Variants in RNGTT observed in about 807,000 individuals in gnomAD.
RNGTT encodes the protein RNA guanylyltransferase and 5'-phosphatase, also known as mRNA-capping enzyme.
In RNGTT, 33 loss-of-function variants were observed where a neutral mutation model predicts 79.3. The observed-to-expected ratio is 0.42, with a 90% CI of 0.32 to 0.56. The LOEUF (loss-of-function observed/expected upper bound fraction) is 0.56, where lower values mean the gene tolerates loss of function less well. Among genes scored for constraint, RNGTT ranks in the 20% least tolerant of loss-of-function variants. The pLI is 0.17. For missense variants in RNGTT, 497 were observed against 739.1 expected, an observed-to-expected ratio of 0.67 and a Z score of 3.80; for synonymous variants, 222 against 235.9, an observed-to-expected ratio of 0.94 and a Z score of 0.54.
At chr6:88,634,640 G>A (rs1437569592) in intron 14 of RNGTT, among the ~76,000 whole-genome samples, 4 of 152,036 alleles carry the variant, frequency 2.6e-5, no homozygotes, top group African/African-American at 4.8e-5. Context: ...ATGACTTAAC[G>A]AATAGCCTAC....
chr6:88,678,836 T>G (rs543950863), intron 13 of RNGTT, among the ~76,000 whole-genome samples: 1 of 152,278 alleles, frequency 6.6e-6, no homozygotes, highest in African/African-American at 2.4e-5. Flanking sequence ...ATGAAAAATG[T>G]AGAACACTCT....
intron 12 of RNGTT, among the ~76,000 whole-genome samples, chr6:88,786,436 C>T (rs1779231553): frequency 6.6e-6 from 1 of 152,066 alleles, no homozygotes; most frequent in Admixed American, 6.6e-5. Context: ...CAAATCATCA[C>T]GTTAAAATAT....
intron 13 of RNGTT, among the ~76,000 whole-genome samples, chr6:88,704,277 A>ACAAAC: frequency 2.7e-5 from 4 of 145,862 alleles, no homozygotes; most frequent in African/African-American, 1.0e-4. Flanking sequence ...AAAAAAAAAA[A>ACAAAC]AAAAAAAAAG....
chr6:88,771,348 TATACACAC>T (rs1424949498), intron 12 of RNGTT, among the ~76,000 whole-genome samples: 35 of 128,810 alleles, frequency 2.7e-4, no homozygotes, highest in African/African-American at 9.2e-4. Context: ...TATATATATA[TATACACAC>T]ACACACACAC....
At chr6:88,687,281 C>CA (rs1361526388) in intron 13 of RNGTT, among the ~76,000 whole-genome samples, 7 of 152,002 alleles carry the variant, frequency 4.6e-5, no homozygotes, top group African/African-American at 1.7e-4. Context: ...AGGTATGGAC[C>CA]ACACATTCTG....
intron 14 of RNGTT, among the ~76,000 whole-genome samples, chr6:88,645,987 G>C (rs924105551): frequency 1.3e-5 from 2 of 152,152 alleles, no homozygotes; most frequent in African/African-American, 4.8e-5. Context: ...GGCAACAAAA[G>C]CCAAAATTGA....
chr6:88,757,821 C>A (rs1254113920), intron 13 of RNGTT, among the ~76,000 whole-genome samples: 1 of 152,114 alleles, frequency 6.6e-6, no homozygotes, highest in Non-Finnish European at 1.5e-5. Flanking sequence ...TTTTGACAGG[C>A]CAACCATGTA....
chr6:88,917,206 A>AT (rs1562023694), intron 4 of RNGTT, among the ~76,000 whole-genome samples: 1 of 152,180 alleles, frequency 6.6e-6, no homozygotes, highest in African/African-American at 2.4e-5. Context: ...TACTTTTAAA[A>AT]TTTTTTTGAA....
chr6:88,924,683 T>G (rs896126802), intron 4 of RNGTT, among the ~76,000 whole-genome samples: 2 of 152,102 alleles, frequency 1.3e-5, no homozygotes, highest in East Asian at 1.9e-4. Context: ...TGTTGTTGTT[T>G]TATGTTTTAT....
chr6:88,622,810 TG>T (rs1445676667), intron 14 of RNGTT, among the ~76,000 whole-genome samples: 1 of 152,070 alleles, frequency 6.6e-6, no homozygotes, highest in Non-Finnish European at 1.5e-5. Context: ...TGACAAATAC[TG>T]ATCAACCATG....
At chr6:88,650,704 C>T (rs1471974789) in intron 14 of RNGTT, among the ~76,000 whole-genome samples, 2 of 152,082 alleles carry the variant, frequency 1.3e-5, no homozygotes, top group Admixed American at 1.3e-4. Context: ...CTCCTACCAG[C>T]TAGTTCTTAA....
intron 1 of RNGTT, among the ~76,000 whole-genome samples, chr6:88,942,000 G>A (rs1391886362): frequency 6.6e-6 from 1 of 151,596 alleles, no homozygotes; most frequent in African/African-American, 2.4e-5. Flanking sequence ...TTTTTGCTGG[G>A]GGGAGCACGT....
At chr6:88,871,167 A>G (rs1782341864) in intron 8 of RNGTT, among the ~76,000 whole-genome samples, 1 of 152,166 alleles carries the variant, frequency 6.6e-6, no homozygotes, top group Non-Finnish European at 1.5e-5. Flanking sequence ...CTATCAGATG[A>G]ATAATTACTC....
At chr6:88,929,297 T>C in intron 2 of RNGTT, 30 bp from the exon 3 acceptor site, 2 of 1,352,060 alleles carry the variant, frequency 1.5e-6, no homozygotes, top group South Asian at 2.5e-5. Context: ...AAAGGGCAAA[T>C]TTACTAGTAA....
At chr6:88,858,112 T>A (rs1227078314) in intron 8 of RNGTT, among the ~76,000 whole-genome samples, 1 of 152,202 alleles carries the variant, frequency 6.6e-6, no homozygotes, top group Non-Finnish European at 1.5e-5. Flanking sequence ...AGCATTTTGA[T>A]GGGCAATAAA....
intron 1 of RNGTT, among the ~76,000 whole-genome samples, chr6:88,960,604 A>G (rs1475415183): frequency 6.6e-6 from 1 of 151,690 alleles, no homozygotes; most frequent in Non-Finnish European, 1.5e-5. Context: ...AAGAAAAGAA[A>G]AAAAGGAAAA....
At chr6:88,620,724 A>C (rs955300021) in intron 14 of RNGTT, among the ~76,000 whole-genome samples, 2 of 152,236 alleles carry the variant, frequency 1.3e-5, no homozygotes, top group Admixed American at 6.5e-5. Context: ...AGAGAGCTAC[A>C]GCAAATTCAC....
intron 13 of RNGTT, among the ~76,000 whole-genome samples, chr6:88,760,168 G>A (rs1778162624): frequency 6.6e-6 from 1 of 152,190 alleles, no homozygotes; most frequent in Admixed American, 6.5e-5. Context: ...ATAAGTAGAT[G>A]TTTTAAAGCC....
chr6:88,614,147 C>A, intron 15 of RNGTT, 125 bp downstream of exon 15: 1 of 882,856 alleles, frequency 1.1e-6, no homozygotes, highest in Non-Finnish European at 1.7e-6. Flanking sequence ...TCTTTCCCAT[C>A]AAACAAGGAT....
Sources: gnomAD v4.1 joint callset for allele counts (sites outside exome capture counted in the v4.1 genomes callset) on GRCh38, gnomAD v4.1.1 for gene constraint, MANE v1.5 for transcripts, NCBI Gene and HGNC (gene_info 2026-07-23, HGNC 2026-07-21) for gene names.